WRN: variants seen among roughly 807,000 people sequenced by gnomAD.
The protein encoded by WRN is WRN RecQ like helicase, also known as bifunctional 3'-5' exonuclease/ATP-dependent helicase WRN.
In WRN, 149 loss-of-function variants were observed where a neutral mutation model predicts 180.7. The observed-to-expected ratio is 0.82, with a 90% confidence interval of 0.72 to 0.94. The LOEUF (loss-of-function observed/expected upper bound fraction) is 0.94, where lower values mean the gene tolerates loss of function less well. Ranked by LOEUF, WRN falls within the 40% of genes least tolerant of loss-of-function variation. The pLI is 0.00. For synonymous variants in WRN, 548 were observed against 568.9 expected (o/e 0.96, Z 0.52); for missense variants, 1,661 against 1,700.1 (o/e 0.98, Z 0.40).
intron 24 of WRN, among the ~76,000 whole-genome samples, chr8:31,140,003 G>GTTTTTTTTTTTTTTT (rs71539917): frequency 4.5e-4 from 28 of 62,104 alleles, no homozygotes; most frequent in East Asian, 5.9e-4. Context: ...ATACTTCTTT[G>GTTTTTTTTTTTTTTT]TTTTTTTTTT....
At chr8:31,088,629 T>C (rs1813627397) in intron 12 of WRN, among the ~76,000 whole-genome samples, 1 of 152,142 alleles carries the variant, frequency 6.6e-6, no homozygotes, top group Non-Finnish European at 1.5e-5. Context: ...TTTAGAAGTA[T>C]TCCTGATTCT....
intron 20 of WRN, among the ~76,000 whole-genome samples, chr8:31,119,523 A>T (rs1358119031): frequency 6.6e-6 from 1 of 151,758 alleles, no homozygotes; most frequent in Non-Finnish European, 1.5e-5. Context: ...TTGTCCATGT[A>T]TTTCTAACCC....
At chr8:31,130,930 A>G (rs1480002510) in intron 23 of WRN, among the ~76,000 whole-genome samples, 2 of 152,168 alleles carry the variant, frequency 1.3e-5, no homozygotes, top group East Asian at 1.9e-4. Flanking sequence ...CCACTAGGGG[A>G]CAAAGGGAGT....
At chr8:31,158,489 A>C (rs914046767) in intron 33 of WRN, among the ~76,000 whole-genome samples, 3 of 152,076 alleles carry the variant, frequency 2.0e-5, no homozygotes, top group Admixed American at 1.3e-4. Flanking sequence ...GGGTCTTATA[A>C]CTCAATAAAT....
chr8:31,078,032 T>C (rs762332116), intron 8 of WRN, among the ~76,000 whole-genome samples: 10 of 152,092 alleles, frequency 6.6e-5, no homozygotes, highest in Non-Finnish European at 1.3e-4. Flanking sequence ...AAACAGGTTT[T>C]AGGTTACAAT....
intron 24 of WRN, among the ~76,000 whole-genome samples, chr8:31,138,937 A>AT (rs1390626363): frequency 1.3e-5 from 2 of 150,836 alleles, no homozygotes; most frequent in East Asian, 2.0e-4. Context: ...TGCTTAGCCT[A>AT]TTTTTTGGCA....
At chr8:31,054,592 G>T (rs1257435816) in intron 1 of WRN, among the ~76,000 whole-genome samples, 1 of 152,082 alleles carries the variant, frequency 6.6e-6, no homozygotes, top group Non-Finnish European at 1.5e-5. Context: ...AATGATAAAG[G>T]TTGAAAAATT....
intron 24 of WRN, among the ~76,000 whole-genome samples, chr8:31,136,014 A>C (rs1445441883): frequency 2.6e-5 from 4 of 152,098 alleles, no homozygotes; most frequent in African/African-American, 9.7e-5. Flanking sequence ...CCTGGTTTAT[A>C]AAGGGAAAGA....
At chr8:31,058,065 C>G (rs1812341190) in intron 1 of WRN, among the ~76,000 whole-genome samples, 3 of 152,076 alleles carry the variant, frequency 2.0e-5, no homozygotes, top group Non-Finnish European at 4.4e-5. Context: ...TTTAAAATGT[C>G]AGGAATTCAT....
rs567760017 is a variant in WRN at position 31,108,774 on chromosome 8, G to A, written c.2089-2841G>A. 3.9e-5 allele frequency among the ~76,000 whole-genome samples: 6 copies of A among 152,194 alleles called. No homozygotes were observed. In the South Asian group the frequency reaches 1.0e-3, roughly 26 times the overall value. ...GAGGGTAACTGTTCATGAAAATAGT[G>A]AGTGTCTGAAGATTAAGAAAATCAT... On this transcript the variant is annotated intron_variant, in intron 18 of 34. Transcript: ENST00000298139.
At chr8:31,064,533 CATT>C (rs1449668977) in intron 4 of WRN, 99 bp downstream of exon 4, 41 of 1,499,464 alleles carry the variant, frequency 2.7e-5, no homozygotes, top group Non-Finnish European at 3.5e-5. Flanking sequence ...GCCGTTCTCT[CATT>C]ATCTCAAATT....
In WRN at chr8:31,064,995, A is replaced by G. The variant is rs752014453; in HGVS notation, c.436A>G (p.Lys146Glu). Residue 146 changes from lysine to glutamate, a missense_variant, in exon 5 of 35, where the codon AAA becomes GAA. Around this residue, in one of 3 missense-constraint regions of WRN, gnomAD observed 500 missense variants for 504.1 expected, o/e 0.99. Coordinates refer to ENST00000298139, the MANE Select transcript of WRN (RefSeq NM_000553.6). ...TGTAGGAATTGAAGGAGATCAGTGG[A>G]AACTTCTACGTGACTTTGATATCAA... ...AGVGIEGDQW[K>E]LLRDFDIKLK... 1.6e-5 allele frequency: 26 copies of G among 1,613,646 alleles called. No homozygotes were observed. In the African/African-American group the frequency reaches 3.1e-4, roughly 19 times the overall value.
In WRN at chr8:31,116,573, G is replaced by C. The variant is rs527301214; in HGVS notation, c.2448+45G>C. On this transcript the variant is annotated intron_variant, in intron 20 of 34. Transcript: ENST00000298139. ...TTGCTCTCCGTTGCTCATAGTGGAA[G>C]TGGATATTTCTCAAATGTTTATTTA... The C allele has an allele frequency of 1.6e-5, 25 of 1,608,226 alleles. No individual in the cohort carries two copies. In the South Asian group the frequency reaches 2.3e-4, roughly 15 times the overall value.
intron 18 of WRN, among the ~76,000 whole-genome samples, chr8:31,104,363 C>G (rs1310568929): frequency 6.6e-6 from 1 of 152,124 alleles, no homozygotes; most frequent in Non-Finnish European, 1.5e-5. Context: ...AAATTTCTTA[C>G]ATAATTGGAG....
At chr8:31,052,018 A>G (rs1812093847) in intron 1 of WRN, among the ~76,000 whole-genome samples, 1 of 152,228 alleles carries the variant, frequency 6.6e-6, no homozygotes, top group Non-Finnish European at 1.5e-5. Flanking sequence ...TGTTATGCTT[A>G]AGTATTGTTT....
chr8:31,103,283 T>C (rs1165790852), intron 18 of WRN, among the ~76,000 whole-genome samples: 2 of 152,182 alleles, frequency 1.3e-5, no homozygotes, highest in Admixed American at 1.3e-4. Flanking sequence ...TGGAAAAGGG[T>C]ATAGGTAAAT....
intron 23 of WRN, 58 bp downstream of exon 23, chr8:31,125,058 A>G (rs1801866664): frequency 2.0e-6 from 3 of 1,508,354 alleles, no homozygotes; most frequent in Non-Finnish European, 2.8e-6. Flanking sequence ...CTTCCTTTTC[A>G]TGTTTAACTG....
At chr8:31,099,041 G>A (rs564266790) in intron 17 of WRN, among the ~76,000 whole-genome samples, 2 of 151,670 alleles carry the variant, frequency 1.3e-5, no homozygotes, top group African/African-American at 4.8e-5. Flanking sequence ...GCTGAGCATG[G>A]TACCTGTTAC....
chr8:31,128,427 A>G (rs929683721), intron 23 of WRN, among the ~76,000 whole-genome samples: 6 of 152,220 alleles, frequency 3.9e-5, no homozygotes, highest in Non-Finnish European at 7.3e-5. Context: ...GCTAATTGTC[A>G]GAGTTCAGTT....
Sources: allele counts gnomAD v4.1 joint callset (sites outside exome capture counted in the v4.1 genomes callset), GRCh38; gene constraint gnomAD v4.1.1; regional missense constraint gnomAD v4.1.1; transcripts MANE v1.5; gene names NCBI Gene and HGNC (gene_info 2026-07-23, HGNC 2026-07-21).